The following DACH1 variants were observed in gnomAD, a reference collection of about 807,000 sequenced individuals.
The protein encoded by DACH1 is dachshund family transcription factor 1.
A neutral mutation model predicts 54.2 loss-of-function variants in DACH1; 12 were observed. The ratio of observed to expected loss-of-function variants is 0.22; its 90% CI spans 0.14 to 0.36. DACH1 has a LOEUF of 0.36. Ranked by LOEUF, DACH1 falls within the 10% of genes least tolerant of loss-of-function variation. DACH1 has a pLI of 1.00. For missense variants in DACH1, 805 were observed against 929.8 expected (o/e 0.87, Z 1.75); for synonymous variants, 386 against 366.2 (o/e 1.05, Z -0.62).
chr13:71,532,880 A>C (rs1882507481), intron 6 of DACH1, among the ~76,000 whole-genome samples: 1 of 151,938 alleles, frequency 6.6e-6, no homozygotes. Flanking sequence ...CTAGTTAATA[A>C]ATATACAAGG....
At chr13:71,492,964 A>AT (rs1879111768) in intron 6 of DACH1, among the ~76,000 whole-genome samples, 1 of 151,620 alleles carries the variant, frequency 6.6e-6, no homozygotes, top group Non-Finnish European at 1.5e-5. Flanking sequence ...TATTTTTGAG[A>AT]TTTTTTGTTT....
At chr13:71,805,048 C>A (rs1887439545) in intron 1 of DACH1, among the ~76,000 whole-genome samples, 1 of 152,106 alleles carries the variant, frequency 6.6e-6, no homozygotes, top group Non-Finnish European at 1.5e-5. Context: ...AAATTTAGCT[C>A]TTCAATTATA....
chr13:71,820,520 T>C (rs2138180693), intron 1 of DACH1, among the ~76,000 whole-genome samples: 1 of 152,328 alleles, frequency 6.6e-6, no homozygotes, highest in Non-Finnish European at 1.5e-5. Context: ...TTTTGAAGTT[T>C]TAACTTTTAA....
chr13:71,463,634 G>A (rs768725804), intron 10 of DACH1, among the ~76,000 whole-genome samples: 118 of 152,032 alleles, frequency 7.8e-4, no homozygotes, highest in African/African-American at 2.3e-3. Flanking sequence ...CCTCAGTTTC[G>A]TCAAATATAA....
intron 1 of DACH1, among the ~76,000 whole-genome samples, chr13:71,832,326 T>C (rs905480941): frequency 2.6e-5 from 4 of 151,928 alleles, no homozygotes; most frequent in Non-Finnish European, 4.4e-5. Flanking sequence ...AATGAGAGTA[T>C]TGTTCTCCCC....
Position 71,443,762 on chromosome 13 carries a change from C to T in DACH1, c.2084-3070G>A, listed in dbSNP as rs569977892. On this transcript the variant is annotated intron_variant, in intron 10 of 10. Transcript: ENST00000613252. ...CCCTAACTGTCATTTCTGATTGATA[C>T]TAAATATTACTGCAGTTCAGCTGTA... is the stretch of plus-strand genomic sequence containing the variant. Among the ~76,000 whole-genome samples the T allele has an allele frequency of 2.5e-3, 387 of 152,170 alleles. 10 individuals carry two copies. The highest frequency in any genetic ancestry group is 3.1e-4 in the Non-Finnish European group (21 of 68,012).
chr13:71,530,636 G>C (rs1291920147), intron 6 of DACH1, among the ~76,000 whole-genome samples: 1 of 151,598 alleles, frequency 6.6e-6, no homozygotes, highest in Non-Finnish European at 1.5e-5. Context: ...CATTTCTCTT[G>C]GTAATTTACA....
intron 6 of DACH1, among the ~76,000 whole-genome samples, chr13:71,532,166 T>A (rs1017209821): frequency 6.6e-6 from 1 of 151,992 alleles, no homozygotes; most frequent in Admixed American, 6.6e-5. Context: ...ATCCTTAGAT[T>A]TCCATCATTT....
intron 3 of DACH1, among the ~76,000 whole-genome samples, chr13:71,585,877 T>C (rs933343140): frequency 1.9e-4 from 29 of 152,150 alleles, no homozygotes; most frequent in Admixed American, 1.8e-3. Flanking sequence ...GAATCTCATA[T>C]TTCATGCCAC....
At chr13:71,823,946 G>A (rs1888288427) in intron 1 of DACH1, among the ~76,000 whole-genome samples, 1 of 151,852 alleles carries the variant, frequency 6.6e-6, no homozygotes, top group South Asian at 2.1e-4. Flanking sequence ...GCCAAATTTT[G>A]TTATGTAAAT....
Position 71,514,456 on chromosome 13 carries a change from C to T in DACH1, c.1571-25308G>A, listed in dbSNP as rs866340914. 3.3e-5 allele frequency among the ~76,000 whole-genome samples: 5 copies of T among 151,892 alleles called. No individual in the cohort carries two copies. In the South Asian group the frequency reaches 6.2e-4, roughly 19 times the overall value. On this transcript the variant is annotated intron_variant, in intron 6 of 10. Coordinates refer to ENST00000613252, the MANE Select transcript of DACH1 (RefSeq NM_080759.6). ...TTAAAATACTATATTTCTGCATCTT[C>T]TGCTACTACAAGTTCATGTAAAGTT...
intron 2 of DACH1, among the ~76,000 whole-genome samples, chr13:71,661,820 G>C (rs1218555610): frequency 6.6e-6 from 1 of 151,916 alleles, no homozygotes; most frequent in African/African-American, 2.4e-5. Flanking sequence ...CAGTTTCTCA[G>C]TGGGCTCATA....
At chr13:71,534,808 T>A (rs937243958) in intron 6 of DACH1, among the ~76,000 whole-genome samples, 76 of 151,932 alleles carry the variant, frequency 5.0e-4, no homozygotes, top group African/African-American at 1.7e-3. Flanking sequence ...GGTGCATGGA[T>A]GATTGAACGA....
chr13:71,544,629 T>C (rs1883343566), intron 6 of DACH1, among the ~76,000 whole-genome samples: 1 of 152,158 alleles, frequency 6.6e-6, no homozygotes, highest in Admixed American at 6.6e-5. Context: ...TGTATTGTTC[T>C]AAATGCTATC....
At chr13:71,559,650 C>T (rs540339247) in intron 5 of DACH1, among the ~76,000 whole-genome samples, 170 bp downstream of exon 5, 4 of 152,178 alleles carry the variant, frequency 2.6e-5, no homozygotes, top group South Asian at 2.1e-4. Context: ...TAGTATCATA[C>T]CTCATGATAT....
intron 2 of DACH1, among the ~76,000 whole-genome samples, chr13:71,632,265 T>G (rs533321684): frequency 8.5e-5 from 13 of 152,190 alleles, no homozygotes; most frequent in Admixed American, 7.9e-4. Context: ...GAGTGGTTTG[T>G]CTTGCTTAAA....
At chr13:71,648,404 GAAGA>G (rs988966704) in intron 2 of DACH1, among the ~76,000 whole-genome samples, 1 of 152,112 alleles carries the variant, frequency 6.6e-6, no homozygotes, top group Admixed American at 6.6e-5. Context: ...GAGGCGACGA[GAAGA>G]GAGAAAGAGG....
intron 6 of DACH1, among the ~76,000 whole-genome samples, chr13:71,507,666 C>T (rs990495751): frequency 6.6e-6 from 1 of 152,124 alleles, no homozygotes; most frequent in Admixed American, 6.5e-5. Context: ...GACATCTAGT[C>T]CATCCTTGGA....
intron 3 of DACH1, among the ~76,000 whole-genome samples, chr13:71,628,564 C>T (rs904580043): frequency 6.6e-6 from 1 of 151,880 alleles, no homozygotes; most frequent in African/African-American, 2.4e-5. Flanking sequence ...TTCATTTTGG[C>T]GTTGGATGGG....
Sources: allele counts gnomAD v4.1 joint callset (sites outside exome capture counted in the v4.1 genomes callset), GRCh38; gene constraint gnomAD v4.1.1; transcripts MANE v1.5; gene names NCBI Gene and HGNC (gene_info 2026-07-23, HGNC 2026-07-21).